Variants in RUNX1 observed in about 807,000 individuals in gnomAD.
The protein encoded by RUNX1 is RUNX family transcription factor 1.
In RUNX1, 19 loss-of-function variants were observed where a neutral mutation model predicts 42.8. The ratio of observed to expected loss-of-function variants is 0.44; its 90% CI spans 0.31 to 0.65. The LOEUF is 0.65. Among genes scored for constraint, RUNX1 ranks in the 30% least tolerant of loss-of-function variants. The pLI, the probability that RUNX1 is intolerant of heterozygous loss-of-function variation, is 0.07. For missense variants in RUNX1, 528 were observed against 672.0 expected (o/e 0.79, Z 2.37); for synonymous variants, 271 against 289.4 (o/e 0.94, Z 0.64).
intron 5 of RUNX1, among the ~76,000 whole-genome samples, chr21:34,868,493 C>T (rs1008307586): frequency 8.5e-5 from 13 of 152,172 alleles, no homozygotes; most frequent in African/African-American, 2.4e-4. Flanking sequence ...CCCCAACCAC[C>T]GCCACTGGAG....
At chr21:34,822,328 A>T (rs1267226408) in intron 7 of RUNX1, among the ~76,000 whole-genome samples, 1 of 152,210 alleles carries the variant, frequency 6.6e-6, no homozygotes, top group South Asian at 2.1e-4. Context: ...GGATTCAATG[A>T]ACCAGCAACA....
At chr21:34,918,718 G>A (rs892483173) in intron 2 of RUNX1, among the ~76,000 whole-genome samples, 1 of 152,158 alleles carries the variant, frequency 6.6e-6, no homozygotes, top group Non-Finnish European at 1.5e-5. Context: ...GACCATCCTG[G>A]CCAACATGGG....
intron 5 of RUNX1, among the ~76,000 whole-genome samples, chr21:34,860,530 C>CGT (rs34768937): frequency 0.46 from 68,040 of 149,388 alleles, 15,659 homozygotes; most frequent in Middle Eastern, 0.59. Flanking sequence ...TGTGTCTGTG[C>CGT]GTGTGTGTGT....
At chr21:34,866,515 T>C (rs1164368363) in intron 5 of RUNX1, among the ~76,000 whole-genome samples, 1 of 152,174 alleles carries the variant, frequency 6.6e-6, no homozygotes, top group Admixed American at 6.5e-5. Flanking sequence ...TAGTCTGCAT[T>C]TGGAGTATTT....
intron 5 of RUNX1, among the ~76,000 whole-genome samples, chr21:34,873,593 C>T (rs1035913242): frequency 4.6e-5 from 7 of 152,202 alleles, no homozygotes; most frequent in Admixed American, 6.5e-5. Flanking sequence ...GCAGAATGGC[C>T]GTGAGCCTCT....
intron 2 of RUNX1, among the ~76,000 whole-genome samples, chr21:34,943,376 G>A (rs1157465019): frequency 6.6e-6 from 1 of 152,076 alleles, no homozygotes; most frequent in Non-Finnish European, 1.5e-5. Flanking sequence ...TGGACCTTAG[G>A]CCCATTCCAG....
At chr21:35,035,904 C>A (rs1243754809) in intron 2 of RUNX1, among the ~76,000 whole-genome samples, 1 of 152,202 alleles carries the variant, frequency 6.6e-6, no homozygotes, top group Admixed American at 6.5e-5. Context: ...TTTAAAACAA[C>A]TCCAACTGCT....
At chr21:34,821,676 T>C (rs1392744412) in intron 7 of RUNX1, 1 of 1,574,908 alleles carries the variant, frequency 6.3e-7, no homozygotes. Context: ...CCTTAACATC[T>C]CCAGGGTGCT....
chr21:34,960,389 T>C (rs1220827802), intron 2 of RUNX1, among the ~76,000 whole-genome samples: 2 of 152,204 alleles, frequency 1.3e-5, no homozygotes, highest in African/African-American at 4.8e-5. Context: ...CCTTTCCTGC[T>C]GACTGGGTGC....
intron 5 of RUNX1, among the ~76,000 whole-genome samples, chr21:34,871,294 T>A (rs902767239): frequency 6.6e-6 from 1 of 152,150 alleles, no homozygotes; most frequent in East Asian, 1.9e-4. Flanking sequence ...CGAACTCCCA[T>A]TTGGATAGTT....
At chr21:34,844,248 T>G (rs756541210) in intron 6 of RUNX1, among the ~76,000 whole-genome samples, 34 of 152,152 alleles carry the variant, frequency 2.2e-4, no homozygotes, top group Non-Finnish European at 4.3e-4. Context: ...TATGGAGATA[T>G]GAGCACTGAC....
chr21:34,874,438 C>T (rs769912964), intron 5 of RUNX1, among the ~76,000 whole-genome samples: 1 of 151,154 alleles, frequency 6.6e-6, no homozygotes, highest in Non-Finnish European at 1.5e-5. Flanking sequence ...GGTGAAACCT[C>T]GTCTCTACTA....
intron 2 of RUNX1, among the ~76,000 whole-genome samples, chr21:34,928,447 AC>A (rs2058413244): frequency 6.6e-6 from 1 of 152,126 alleles, no homozygotes; most frequent in South Asian, 2.1e-4. Context: ...TAATACAAGC[AC>A]TTTGGGAGGC....
At chr21:34,852,269 CACGCCAGCTCACTCAG>C (rs2057433173) in intron 6 of RUNX1, among the ~76,000 whole-genome samples, 1 of 152,138 alleles carries the variant, frequency 6.6e-6, no homozygotes, top group African/African-American at 2.4e-5. Context: ...ATACACAGGC[CACGCCAGCTCACTCAG>C]AGCTGCACCA....
chr21:34,850,651 C>T (rs2057404855), intron 6 of RUNX1, among the ~76,000 whole-genome samples: 1 of 152,144 alleles, frequency 6.6e-6, no homozygotes, highest in Non-Finnish European at 1.5e-5. Context: ...CATTTGGGGG[C>T]AAGGCCATTT....
At chr21:34,828,643 T>A (rs1170437866) in intron 7 of RUNX1, among the ~76,000 whole-genome samples, 1 of 152,220 alleles carries the variant, frequency 6.6e-6, no homozygotes, top group South Asian at 2.1e-4. Context: ...ATGGCAATGT[T>A]GAGAGGTGGG....
Position 34,943,834 on chromosome 21 carries a change from A to G in RUNX1, c.59-50871T>C, listed in dbSNP as rs1332860017. ...ATGTTGAGCTAAATATTTTCACTTT[A>G]TGCTCGCCTGACAGAGATAGTAGTG... On this transcript the variant is annotated intron_variant, in intron 2 of 8. Coordinates refer to ENST00000675419, the MANE Select transcript of RUNX1 (RefSeq NM_001754.5). 2.6e-5 allele frequency among the ~76,000 whole-genome samples: 4 copies of G among 152,290 alleles called. No homozygotes were observed. The East Asian group carries it at 7.7e-4, about 29-fold the overall frequency.
Position 34,887,174 on chromosome 21 carries a change from C to G in RUNX1, c.98-78G>C. 3 of 1,531,172 alleles carry G rather than the reference C, an allele frequency of 2.0e-6. No individual in the cohort carries two copies. In the South Asian group the frequency reaches 3.4e-5, roughly 17 times the overall value. 94.8% of individuals were successfully genotyped at this position (1,531,172 alleles called of 1,614,324 possible). On this transcript the variant is annotated intron_variant, in intron 3 of 8. Coordinates refer to ENST00000675419, the MANE Select transcript of RUNX1 (RefSeq NM_001754.5). ...CTCCTACCAGACGGCGACAGGGGCGCGGATCTTCAGCAAGCAGCTCCCGGG... is the reference window on the plus strand; with the variant it reads ...CTCCTACCAGACGGCGACAGGGGCGGGGATCTTCAGCAAGCAGCTCCCGGG...
chr21:34,895,517 A>G (rs2058123088), intron 2 of RUNX1, among the ~76,000 whole-genome samples: 1 of 152,182 alleles, frequency 6.6e-6, no homozygotes, highest in African/African-American at 2.4e-5. Flanking sequence ...AGCAGAGGTG[A>G]TTTTTGACTT....
Sources: gnomAD v4.1 joint callset for allele counts (sites outside exome capture counted in the v4.1 genomes callset) on GRCh38, gnomAD v4.1.1 for gene constraint, MANE v1.5 for transcripts, NCBI Gene and HGNC (gene_info 2026-07-23, HGNC 2026-07-21) for gene names.